Variants in TTBK2 observed in about 807,000 individuals in gnomAD.
TTBK2 encodes the protein tau-tubulin kinase 2.
Under a neutral mutation model 110.8 loss-of-function variants are expected in TTBK2, and 28 were observed. The ratio of observed to expected loss-of-function variants is 0.25; its 90% CI spans 0.19 to 0.35. The LOEUF (loss-of-function observed/expected upper bound fraction) is 0.35. TTBK2 is among the 10% of genes least tolerant of loss of function. The pLI, the probability that TTBK2 is intolerant of heterozygous loss-of-function variation, is 1.00. For synonymous variants in TTBK2, 532 were observed against 527.3 expected (o/e 1.01, Z -0.12); for missense variants, 1,369 against 1,500.3 (o/e 0.91, Z 1.45).
chr15:42,840,272 T>C, intron 4 of TTBK2, 88 bp downstream of exon 4: 9 of 1,117,310 alleles, frequency 8.1e-6, no homozygotes, highest in Non-Finnish European at 1.1e-5. Context: ...GGTACTAAGA[T>C]TGTTGTTACT....
chr15:42,868,331 G>T (rs947982143), intron 3 of TTBK2, among the ~76,000 whole-genome samples: 1 of 152,084 alleles, frequency 6.6e-6, no homozygotes, highest in African/African-American at 2.4e-5. Context: ...CAATAAGAGT[G>T]AACCCTATTG....
intron 3 of TTBK2, among the ~76,000 whole-genome samples, chr15:42,850,157 C>T (rs1419177927): frequency 2.0e-5 from 3 of 152,156 alleles, no homozygotes; most frequent in Non-Finnish European, 2.9e-5. Context: ...ACTGCAGCCA[C>T]TGTCAAGGAC....
At position 42,798,079 on chromosome 15, in the gene TTBK2, TC is replaced by T. The variant is rs544014915; in HGVS notation, c.823-3279del. Among the ~76,000 whole-genome samples the T allele has an allele frequency of 2.1e-3, 315 of 152,188 alleles. 1 individual carries two copies. The highest frequency in any genetic ancestry group is 7.1e-3 in the African/African-American group (293 of 41,516). On this transcript the variant is annotated intron_variant, in intron 9 of 14. Coordinates refer to ENST00000267890, the MANE Select transcript of TTBK2 (RefSeq NM_173500.4). ...TTGTATCTTTAGTAGAGACGGGGTT[TC>T]ACCATGTTGGCCAGGATGGTCTGAA...
At chr15:42,763,193 T>TATATATATATATATA (rs1567009144) in intron 13 of TTBK2, among the ~76,000 whole-genome samples, 6 of 3,372 alleles carry the variant, frequency 1.8e-3, no homozygotes, top group Admixed American at 6.0e-3. Context: ...TATATATATA[T>TATATATATATATATA]TTTTTTTTTT....
At chr15:42,812,725 A>G (rs556396909) in intron 7 of TTBK2, among the ~76,000 whole-genome samples, 94 of 152,316 alleles carry the variant, frequency 6.2e-4, no homozygotes, top group African/African-American at 2.2e-3. Context: ...TGTTAAAATG[A>G]AAAATGGAAT....
intron 1 of TTBK2, among the ~76,000 whole-genome samples, chr15:42,881,259 G>T (rs921543586): frequency 1.6e-5 from 2 of 122,942 alleles, no homozygotes; most frequent in Non-Finnish European, 3.2e-5. Flanking sequence ...CTCCAGCCTG[G>T]ATGACAGAGC....
chr15:42,793,496 G>A lies in TTBK2; in HGVS notation c.980+1148C>T, dbSNP rs8031261. Reference sequence around the variant, plus strand: ...TTTGAGGCCATAGTGCACTATGACTGTGCCTATAAATAGCCACTGCACTCC... The same window carrying A: ...TTTGAGGCCATAGTGCACTATGACTATGCCTATAAATAGCCACTGCACTCC... On this transcript the variant is annotated intron_variant, in intron 10 of 14. Coordinates refer to ENST00000267890, the MANE Select transcript of TTBK2 (RefSeq NM_173500.4). Among the ~76,000 whole-genome samples the A allele has an allele frequency of 8.8e-3, 1,333 of 152,214 alleles. 16 individuals are homozygous for A. The highest frequency in any genetic ancestry group is 0.03 in the African/African-American group (1,266 of 41,532).
chr15:42,772,971 T>C (rs1367926305), intron 13 of TTBK2, among the ~76,000 whole-genome samples: 1 of 152,064 alleles, frequency 6.6e-6, no homozygotes, highest in Non-Finnish European at 1.5e-5. Context: ...CTTCAGGTTG[T>C]TTAAGGTAAC....
At chr15:42,749,010 T>G (rs1438464374) in intron 14 of TTBK2, among the ~76,000 whole-genome samples, 1 of 152,184 alleles carries the variant, frequency 6.6e-6, no homozygotes. Context: ...CATAATGGCA[T>G]TATGGGACAT....
At chr15:42,894,595 T>C (rs1895593985) in intron 1 of TTBK2, among the ~76,000 whole-genome samples, 1 of 151,924 alleles carries the variant, frequency 6.6e-6, no homozygotes. Context: ...CTACAAAAAA[T>C]ACTAAAAATT....
intron 13 of TTBK2, among the ~76,000 whole-genome samples, chr15:42,762,632 G>T (rs1231645473): frequency 6.6e-6 from 1 of 152,138 alleles, no homozygotes; most frequent in African/African-American, 2.4e-5. Flanking sequence ...CAGGAGCATT[G>T]CTTGAACCCG....
chr15:42,886,514 A>T (rs186117562), intron 1 of TTBK2, among the ~76,000 whole-genome samples: 10 of 152,310 alleles, frequency 6.6e-5, no homozygotes, highest in Admixed American at 6.5e-4. Context: ...TTACCGCCCT[A>T]GACCCAGGCG....
At chr15:42,799,095 C>T (rs989279429) in intron 9 of TTBK2, among the ~76,000 whole-genome samples, 2 of 152,072 alleles carry the variant, frequency 1.3e-5, no homozygotes, top group African/African-American at 4.8e-5. Context: ...ATCCACTGGG[C>T]GCGGTGGCTC....
chr15:42,868,023 T>C (rs1481383971), intron 3 of TTBK2, among the ~76,000 whole-genome samples: 1 of 152,090 alleles, frequency 6.6e-6, no homozygotes, highest in African/African-American at 2.4e-5. Context: ...TATTACTAAG[T>C]GAAAGAAGCC....
intron 2 of TTBK2, among the ~76,000 whole-genome samples, chr15:42,876,754 C>G (rs1894832688): frequency 6.6e-6 from 1 of 151,948 alleles, no homozygotes; most frequent in Non-Finnish European, 1.5e-5. Context: ...AAAAATAGTT[C>G]CTTTAAGAAA....
chr15:42,838,501 C>G (rs922115217), intron 4 of TTBK2, among the ~76,000 whole-genome samples: 2 of 152,024 alleles, frequency 1.3e-5, no homozygotes, highest in African/African-American at 4.8e-5. Flanking sequence ...CTCCCTCGAC[C>G]TAACTCCACT....
At chr15:42,904,965 G>A (rs561016231) in intron 1 of TTBK2, among the ~76,000 whole-genome samples, 1 of 151,704 alleles carries the variant, frequency 6.6e-6, no homozygotes, top group South Asian at 2.1e-4. Flanking sequence ...TCAGCCTTCT[G>A]GGCTCAAGTG....
At chr15:42,765,376 A>G (rs1195705542) in intron 13 of TTBK2, among the ~76,000 whole-genome samples, 4 of 152,346 alleles carry the variant, frequency 2.6e-5, no homozygotes, top group Admixed American at 6.5e-5. Flanking sequence ...TTGAAAAAAG[A>G]TTAGACGAAT....
Position 42,752,831 on chromosome 15 carries a change from G to A in TTBK2, c.2415C>T (p.Leu805=), listed in dbSNP as rs2061886999. The change falls in exon 14 of 15, where the codon CTC becomes CTT. Residue 805 remains leucine (L), a synonymous_variant. Coordinates refer to ENST00000267890, the MANE Select transcript of TTBK2 (RefSeq NM_173500.4). ...TTTCCACAATTACCAAATCTCCTGG[G>A]AGAGAGGAGATCTCAATACAATGCT... ...RGQHCIEISS[L]PGDLVIVEKD... is the part of the protein sequence containing the mutation. 6.2e-7 allele frequency: 1 copy of A among 1,614,132 alleles called. No individual in the cohort carries two copies. The highest frequency in any genetic ancestry group is 1.1e-5 in the South Asian group (1 of 91,082).
Sources: allele counts gnomAD v4.1 joint callset (sites outside exome capture counted in the v4.1 genomes callset), GRCh38; gene constraint gnomAD v4.1.1; transcripts MANE v1.5; gene names NCBI Gene and HGNC (gene_info 2026-07-23, HGNC 2026-07-21).